FHIT: variants seen among roughly 807,000 people sequenced by gnomAD.
The protein encoded by FHIT is fragile histidine triad diadenosine triphosphatase, also known as bis(5'-adenosyl)-triphosphatase.
In FHIT, 19 loss-of-function variants were observed where a neutral mutation model predicts 17.9. That is an observed-to-expected ratio of 1.06 (90% CI 0.74 to 1.56). The LOEUF (loss-of-function observed/expected upper bound fraction) is 1.56, where lower values mean the gene tolerates loss of function less well. FHIT is among the 40% of genes most tolerant of loss of function. The pLI is 0.00. For synonymous variants in FHIT, 81 were observed against 69.7 expected (o/e 1.16, Z -0.81); for missense variants, 248 against 189.2 (o/e 1.31, Z -1.82).
chr3:61,131,527 T>G (rs945221530), intron 2 of FHIT, among the ~76,000 whole-genome samples: 1 of 152,226 alleles, frequency 6.6e-6, no homozygotes, highest in Non-Finnish European at 1.5e-5. Flanking sequence ...TTCGCAGCCT[T>G]GGTCAGGAGA....
intron 2 of FHIT, among the ~76,000 whole-genome samples, chr3:61,111,350 A>T (rs557362850): frequency 4.1e-4 from 62 of 152,224 alleles, no homozygotes; most frequent in African/African-American, 1.5e-3. Context: ...GCCACACTGA[A>T]TCTCATTTTT....
At chr3:60,900,810 C>T (rs1706077111) in intron 3 of FHIT, among the ~76,000 whole-genome samples, 1 of 152,114 alleles carries the variant, frequency 6.6e-6, no homozygotes, top group South Asian at 2.1e-4. Context: ...TAGAGTCTCT[C>T]TCTGTCGCCC....
chr3:59,984,900 G>C (rs1453496917), intron 7 of FHIT, among the ~76,000 whole-genome samples: 23 of 152,110 alleles, frequency 1.5e-4, no homozygotes, highest in Admixed American at 1.4e-3. Context: ...CTAATCTTAA[G>C]AGTAGCAGCA....
At chr3:60,310,695 C>G (rs1012555108) in intron 5 of FHIT, among the ~76,000 whole-genome samples, 1 of 151,858 alleles carries the variant, frequency 6.6e-6, no homozygotes, top group Non-Finnish European at 1.5e-5. Context: ...CACAAGGACA[C>G]AGATTAGAGG....
chr3:59,963,873 T>G (rs1707802163), intron 7 of FHIT, among the ~76,000 whole-genome samples: 1 of 152,220 alleles, frequency 6.6e-6, no homozygotes. Flanking sequence ...CAGAACACAA[T>G]TTAAAATGTT....
chr3:59,865,722 G>C (rs1047658362), intron 8 of FHIT, among the ~76,000 whole-genome samples: 14 of 152,186 alleles, frequency 9.2e-5, no homozygotes, highest in Non-Finnish European at 1.5e-4. Context: ...GATTCACAGT[G>C]GGGCTTACCA....
At chr3:59,855,937 C>A (rs1196431211) in intron 8 of FHIT, among the ~76,000 whole-genome samples, 2 of 106,304 alleles carry the variant, frequency 1.9e-5, no homozygotes, top group South Asian at 6.0e-4. Flanking sequence ...CCCGCCACCA[C>A]GCCCGGCTAA....
At chr3:60,334,748 C>A (rs1710153608) in intron 5 of FHIT, among the ~76,000 whole-genome samples, 1 of 152,234 alleles carries the variant, frequency 6.6e-6, no homozygotes, top group South Asian at 2.1e-4. Context: ...GACCACGCCA[C>A]TGCCCTCCAG....
At chr3:59,776,252 AT>A (rs1462297928) in intron 8 of FHIT, among the ~76,000 whole-genome samples, 1 of 152,194 alleles carries the variant, frequency 6.6e-6, no homozygotes. Context: ...TACAACTAGA[AT>A]TTCCTCTGAA....
chr3:60,741,383 C>T (rs1288621668), intron 4 of FHIT, among the ~76,000 whole-genome samples: 1 of 152,198 alleles, frequency 6.6e-6, no homozygotes. Context: ...GAGCTGTCAG[C>T]ACGTTGCCTG....
chr3:61,195,157 T>C (rs1381543305), intron 2 of FHIT, among the ~76,000 whole-genome samples: 1 of 151,884 alleles, frequency 6.6e-6, no homozygotes, highest in Non-Finnish European at 1.5e-5. Context: ...AGGTCAGAGT[T>C]AAGTACAGGG....
chr3:60,424,452 C>A (rs767628454), intron 5 of FHIT, among the ~76,000 whole-genome samples: 6 of 152,204 alleles, frequency 3.9e-5, no homozygotes, highest in African/African-American at 1.2e-4. Flanking sequence ...GCTTACAAAG[C>A]TAAAGTCAGA....
In FHIT at chr3:61,074,565, C is replaced by G. The variant is rs115877378; in HGVS notation, c.-163-32466G>C. On this transcript the variant is annotated intron_variant, in intron 2 of 9. Coordinates refer to ENST00000492590, the MANE Select transcript of FHIT (RefSeq NM_002012.4). ...AAGCTCTGACCCTACCGGCACCACA[C>G]TCCTACAAGATAACAAATGGCTGGG... 1.0e-2 allele frequency among the ~76,000 whole-genome samples: 1,520 copies of G among 152,290 alleles called. 27 individuals carry two copies. The highest frequency in any genetic ancestry group is 0.033 in the African/African-American group (1,392 of 41,570).
chr3:60,103,080 C>T (rs1704261161), intron 5 of FHIT, among the ~76,000 whole-genome samples: 1 of 152,292 alleles, frequency 6.6e-6, no homozygotes, highest in East Asian at 1.9e-4. Flanking sequence ...AAAGCTAACA[C>T]ATCACAGCTT....
At position 60,051,156 on chromosome 3, in the gene FHIT, G is replaced by A. The variant is rs557645985; in HGVS notation, c.104-37004C>T. ...AATGGGGCCTTTGAGGTAGGGGAAG[G>A]TTGGGCCTCTCAGCAGGAGTCATGT... On this transcript the variant is annotated intron_variant, in intron 5 of 9. Coordinates refer to ENST00000492590, the MANE Select transcript of FHIT (RefSeq NM_002012.4). Among the ~76,000 whole-genome samples, 51 of 152,104 alleles carry A rather than the reference G, an allele frequency of 3.4e-4. 1 individual carries two copies. In the South Asian group the frequency reaches 0.01, roughly 31 times the overall value.
At chr3:61,100,497 T>G (rs1342800738) in intron 2 of FHIT, among the ~76,000 whole-genome samples, 1 of 152,194 alleles carries the variant, frequency 6.6e-6, no homozygotes, top group East Asian at 1.9e-4. Flanking sequence ...TCTTTGCTAT[T>G]GTGAATAGTG....
rs551635729 is a variant in FHIT, at chr3:60,595,611, A to G, written c.-17-58632T>C. ...CGTATGTGTATATACGTGTAGATAT[A>G]TGTGTGTATGTATATATGTGTGTGT... On this transcript the variant is annotated intron_variant, in intron 4 of 9. Coordinates refer to ENST00000492590, the MANE Select transcript of FHIT (RefSeq NM_002012.4). 4.4e-3 allele frequency among the ~76,000 whole-genome samples: 574 copies of G among 129,160 alleles called. 10 individuals carry two copies. The highest frequency in any genetic ancestry group is 0.019 in the African/African-American group (525 of 27,602). 84.7% of individuals were successfully genotyped at this position (129,160 alleles called of 152,430 possible). A position where few individuals can be genotyped will look rare whatever the true frequency, so the allele number is the denominator to read the frequency against.
At chr3:60,706,559 C>T (rs9876876) in intron 4 of FHIT, among the ~76,000 whole-genome samples, 1 of 151,964 alleles carries the variant, frequency 6.6e-6, no homozygotes. Context: ...ACAATAATTA[C>T]CTCGACATTT....
At chr3:60,622,502 G>T (rs370419437) in intron 4 of FHIT, among the ~76,000 whole-genome samples, 4 of 152,266 alleles carry the variant, frequency 2.6e-5, no homozygotes, top group South Asian at 4.2e-4. Context: ...GATGTGAATT[G>T]TATCCACAGG....
Sources: allele counts gnomAD v4.1 joint callset (sites outside exome capture counted in the v4.1 genomes callset), GRCh38; gene constraint gnomAD v4.1.1; transcripts MANE v1.5; gene names NCBI Gene and HGNC (gene_info 2026-07-23, HGNC 2026-07-21).